The following ALDH1A2 variants were observed in gnomAD, a reference collection of about 807,000 sequenced individuals.
The protein encoded by ALDH1A2 is aldehyde dehydrogenase 1 family member A2.
Under a neutral mutation model 60.3 loss-of-function variants are expected in ALDH1A2, and 27 were observed. The ratio of observed to expected loss-of-function variants is 0.45; its 90% CI spans 0.33 to 0.62. The LOEUF (loss-of-function observed/expected upper bound fraction) is 0.62. ALDH1A2 is among the 20% of genes least tolerant of loss of function. The pLI is 0.02. For synonymous variants in ALDH1A2, 289 were observed against 232.4 expected, an observed-to-expected ratio of 1.24 and a Z score of -2.21; for missense variants, 581 against 643.8, an observed-to-expected ratio of 0.90 and a Z score of 1.06.
rs781314308 is a variant in ALDH1A2 at position 58,025,308 on chromosome 15, G to A, written c.118-11027C>T. On this transcript the variant is annotated intron_variant, in intron 1 of 12. Coordinates refer to ENST00000249750, the MANE Select transcript of ALDH1A2 (RefSeq NM_003888.4). The stretch of plus-strand genomic sequence containing the variant: ...GCTACCTAGACTAACCTAAAAAGGA[G>A]AAGAATCAAACAAAATCAGAATTGA... Among the ~76,000 whole-genome samples, 30 of 152,066 alleles carry A rather than the reference G, an allele frequency of 2.0e-4. 1 individual carries two copies. The highest frequency in any genetic ancestry group is 2.0e-4 in the Admixed American group (3 of 15,266).
At chr15:58,012,563 A>G (rs1266222112) in intron 3 of ALDH1A2, among the ~76,000 whole-genome samples, 4 of 152,206 alleles carry the variant, frequency 2.6e-5, no homozygotes, top group Non-Finnish European at 5.9e-5. Flanking sequence ...ATCTGCAAGG[A>G]GGAATTTCTT....
intron 7 of ALDH1A2, among the ~76,000 whole-genome samples, chr15:57,992,215 T>C (rs542874002): frequency 6.6e-6 from 1 of 152,310 alleles, no homozygotes; most frequent in African/African-American, 2.4e-5. Flanking sequence ...AGAGACCACG[T>C]TGCCTCCAAA....
At chr15:58,001,523 G>C (rs1895270214) in intron 4 of ALDH1A2, among the ~76,000 whole-genome samples, 1 of 151,848 alleles carries the variant, frequency 6.6e-6, no homozygotes, top group African/African-American at 2.4e-5. Flanking sequence ...CTTTCATCTA[G>C]GCAGAGCCAA....
chr15:58,034,424 A>C (rs1391855288), intron 1 of ALDH1A2, among the ~76,000 whole-genome samples: 1 of 151,630 alleles, frequency 6.6e-6, no homozygotes, highest in East Asian at 1.9e-4. Flanking sequence ...GTTATCTGTG[A>C]AAAAAGACAT....
In ALDH1A2 at chr15:57,954,988, T is replaced by A; in HGVS notation, c.*209A>T. 1 of 615,304 alleles carries A rather than the reference T, an allele frequency of 1.6e-6. No individual in the cohort carries two copies. The highest frequency in any genetic ancestry group is 2.9e-6 in the Non-Finnish European group (1 of 343,824). The allele number at this position is 615,304 out of a possible 1,614,324, so 38.1% of individuals were successfully genotyped here. A position where few individuals can be genotyped will look rare whatever the true frequency, so the allele number is the denominator to read the frequency against. On this transcript the variant is annotated 3_prime_UTR_variant, in exon 13 of 13. Coordinates refer to ENST00000249750, the MANE Select transcript of ALDH1A2 (RefSeq NM_003888.4). The stretch of plus-strand genomic sequence containing the variant: ...ATCCCACTTTCCCCAATATTTGGTA[T>A]GATTAAGGTGGCCCCTTACAGAGTG...
At chr15:58,004,693 T>TTGTGTA (rs1555402496) in intron 4 of ALDH1A2, among the ~76,000 whole-genome samples, 8 of 137,138 alleles carry the variant, frequency 5.8e-5, no homozygotes, top group African/African-American at 2.1e-4. Context: ...ATCCCATGAT[T>TTGTGTA]TGTGTGTGTG....
intron 7 of ALDH1A2, among the ~76,000 whole-genome samples, chr15:57,979,068 G>T (rs923390486): frequency 1.3e-5 from 2 of 151,976 alleles, no homozygotes; most frequent in Non-Finnish European, 2.9e-5. Flanking sequence ...GTGGGGAGTT[G>T]GGGGGATTAG....
chr15:58,019,800 A>G (rs1895876915), intron 1 of ALDH1A2, among the ~76,000 whole-genome samples: 1 of 152,148 alleles, frequency 6.6e-6, no homozygotes, highest in Admixed American at 6.5e-5. Flanking sequence ...GAGGAAATGA[A>G]TCACTTTCTT....
Position 58,010,629 on chromosome 15 carries a change from C to G in ALDH1A2, c.493+20G>C. The G allele has an allele frequency of 6.2e-7, 1 of 1,611,468 alleles. No homozygotes were observed. Among genetic ancestry groups the G allele is most frequent in the Non-Finnish European group, 8.5e-7 (1 of 1,178,120 alleles). ...GGTGGTTTCACGTTTTCCTTTTCAA[C>G]GTACTCAGATTTCACATACCTACAG... On this transcript the variant is annotated intron_variant, in intron 4 of 12. Transcript: ENST00000249750.
chr15:58,010,878 G>GCAACTC, intron 3 of ALDH1A2, 100 bp from the exon 4 acceptor site: 4 of 1,458,012 alleles, frequency 2.7e-6, no homozygotes, highest in Non-Finnish European at 3.8e-6. Flanking sequence ...GAATACAAAT[G>GCAACTC]CATATGGAGT....
intron 1 of ALDH1A2, among the ~76,000 whole-genome samples, chr15:58,041,781 G>C (rs1346124079): frequency 1.3e-5 from 2 of 151,898 alleles, no homozygotes; most frequent in Non-Finnish European, 2.9e-5. Context: ...GTGGATGCCT[G>C]AAACCGCAGA....
At chr15:58,050,948 G>C (rs4646570) in intron 1 of ALDH1A2, among the ~76,000 whole-genome samples, 66,307 of 151,816 alleles carry the variant, frequency 0.44, 14,751 homozygotes, top group Non-Finnish European at 0.48. Context: ...GTTGAAGAAG[G>C]CTTTGAACCA....
intron 7 of ALDH1A2, among the ~76,000 whole-genome samples, chr15:57,977,184 T>C (rs1220626751): frequency 1.3e-5 from 2 of 152,120 alleles, no homozygotes; most frequent in African/African-American, 4.8e-5. Flanking sequence ...GCAAAAACTT[T>C]GTCCCACTCT....
At chr15:58,005,499 T>C (rs1895420491) in intron 4 of ALDH1A2, among the ~76,000 whole-genome samples, 1 of 151,958 alleles carries the variant, frequency 6.6e-6, no homozygotes. Flanking sequence ...GAGATCAAAG[T>C]TGATGCCACA....
At chr15:58,035,276 C>T (rs546242749) in intron 1 of ALDH1A2, among the ~76,000 whole-genome samples, 78 of 151,436 alleles carry the variant, frequency 5.2e-4, no homozygotes, top group Non-Finnish European at 1.0e-3. Flanking sequence ...TTCTACTGTC[C>T]GTGGCAGTAG....
At chr15:57,964,407 G>A (rs1021566974) in intron 8 of ALDH1A2, 2 of 235,136 alleles carry the variant, frequency 8.5e-6, no homozygotes, top group Admixed American at 5.0e-5. Flanking sequence ...TAATGGAGGG[G>A]CTAAGAAGGA....
intron 12 of ALDH1A2, among the ~76,000 whole-genome samples, chr15:57,956,506 G>A (rs985100484): frequency 1.1e-4 from 16 of 152,162 alleles, no homozygotes; most frequent in African/African-American, 3.6e-4. Flanking sequence ...TCTGAGCACC[G>A]TGGGCACCTG....
intron 12 of ALDH1A2, 117 bp downstream of exon 12, chr15:57,960,653 G>GAAATGTTTGTT (rs1566928336): frequency 2.3e-6 from 2 of 866,052 alleles, no homozygotes; most frequent in African/African-American, 1.7e-5. Context: ...TGTGCTCCAC[G>GAAATGTTTGTT]AAATGTTTGT....
intron 1 of ALDH1A2, among the ~76,000 whole-genome samples, chr15:58,028,405 A>G (rs1481197129): frequency 4.6e-5 from 7 of 152,222 alleles, no homozygotes; most frequent in Non-Finnish European, 1.5e-5. Context: ...AAGAAGCACT[A>G]AACATGGAAA....
Sources: gnomAD v4.1 joint callset for allele counts (sites outside exome capture counted in the v4.1 genomes callset) on GRCh38, gnomAD v4.1.1 for gene constraint, MANE v1.5 for transcripts, NCBI Gene and HGNC (gene_info 2026-07-23, HGNC 2026-07-21) for gene names.